Variants in PRKCA observed in about 807,000 individuals in gnomAD.
PRKCA encodes the protein protein kinase C alpha.
Under a neutral mutation model 87.0 loss-of-function variants are expected in PRKCA, and 27 were observed. The ratio of observed to expected loss-of-function variants is 0.31; its 90% confidence interval spans 0.23 to 0.43. The LOEUF is 0.43. Ranked by LOEUF, PRKCA falls within the 20% of genes least tolerant of loss-of-function variation. PRKCA has a pLI of 1.00. For synonymous variants in PRKCA, 329 were observed against 311.1 expected (o/e 1.06, Z -0.61); for missense variants, 518 against 852.3 (o/e 0.61, Z 4.88).
intron 8 of PRKCA, chr17:66,703,328 T>C (rs1388401130): frequency 1.3e-5 from 2 of 152,044 alleles, no homozygotes; most frequent in African/African-American, 4.8e-5. Context: ...CCTACACAGG[T>C]CAGGATCATC....
intron 8 of PRKCA, among the ~76,000 whole-genome samples, chr17:66,720,331 G>A (rs909185387): frequency 2.6e-5 from 4 of 152,188 alleles, no homozygotes; most frequent in South Asian, 2.1e-4. Context: ...AGAGAACAGC[G>A]GACATTTTAT....
intron 8 of PRKCA, among the ~76,000 whole-genome samples, chr17:66,715,791 C>G (rs1449386510): frequency 1.3e-5 from 2 of 152,076 alleles, no homozygotes; most frequent in African/African-American, 4.8e-5. Flanking sequence ...CCATCTTGCC[C>G]CATTTACTGG....
intron 2 of PRKCA, among the ~76,000 whole-genome samples, chr17:66,307,278 G>A (rs1204358891): frequency 6.6e-6 from 1 of 152,138 alleles, no homozygotes; most frequent in Non-Finnish European, 1.5e-5. Context: ...TTTAAAAAGA[G>A]AAGAAAGAGA....
chr17:66,540,767 C>G (rs1339653486), intron 3 of PRKCA, among the ~76,000 whole-genome samples: 1 of 152,170 alleles, frequency 6.6e-6, no homozygotes, highest in African/African-American at 2.4e-5. Context: ...CTCTGTCTAT[C>G]AAAAGATTGA....
In PRKCA at chr17:66,619,978, G is replaced by A. The variant is rs1970628220; in HGVS notation, c.289-21377G>A. 3.3e-5 allele frequency among the ~76,000 whole-genome samples: 5 copies of A among 152,182 alleles called. No homozygotes were observed. The South Asian group carries it at 1.0e-3, about 32-fold the overall frequency. On this transcript the variant is annotated intron_variant, in intron 3 of 16. Coordinates refer to ENST00000413366, the MANE Select transcript of PRKCA (RefSeq NM_002737.3). ...AACATTTATAAAAACAGGTTTTTGGGGGGTAATGAAAAAAAATTTAAGTCA... is the reference window on the plus strand; with the variant it reads ...AACATTTATAAAAACAGGTTTTTGGAGGGTAATGAAAAAAAATTTAAGTCA...
intron 2 of PRKCA, among the ~76,000 whole-genome samples, chr17:66,476,085 A>G (rs1317938003): frequency 6.6e-6 from 1 of 151,988 alleles, no homozygotes; most frequent in Non-Finnish European, 1.5e-5. Context: ...TTTTTAGTAG[A>G]GGCAGAGTTT....
intron 2 of PRKCA, among the ~76,000 whole-genome samples, chr17:66,448,584 A>G (rs1436543987): frequency 1.3e-5 from 2 of 152,178 alleles, no homozygotes; most frequent in African/African-American, 4.8e-5. Context: ...AGTCACACAA[A>G]AATCCAAGTT....
At chr17:66,407,252 T>C (rs1454281026) in intron 2 of PRKCA, among the ~76,000 whole-genome samples, 1 of 151,718 alleles carries the variant, frequency 6.6e-6, no homozygotes, top group Non-Finnish European at 1.5e-5. Flanking sequence ...TGGGGCCTGG[T>C]GGGAGGTGAT....
At chr17:66,765,328 G>T (rs1029039567) in intron 13 of PRKCA, among the ~76,000 whole-genome samples, 1 of 149,522 alleles carries the variant, frequency 6.7e-6, no homozygotes, top group Non-Finnish European at 1.5e-5. Context: ...CGGGAGAATC[G>T]CTTGAACCTG....
chr17:66,440,992 C>T (rs1035042101), intron 2 of PRKCA, among the ~76,000 whole-genome samples: 1 of 151,746 alleles, frequency 6.6e-6, no homozygotes, highest in Non-Finnish European at 1.5e-5. Flanking sequence ...TGAACCCTGT[C>T]TCTACTAAAA....
chr17:66,419,609 T>C (rs998339077), intron 2 of PRKCA, among the ~76,000 whole-genome samples: 34 of 152,212 alleles, frequency 2.2e-4, no homozygotes, highest in African/African-American at 8.2e-4. Context: ...ATGCCCATAT[T>C]GTATCTGTCT....
intron 16 of PRKCA, among the ~76,000 whole-genome samples, chr17:66,789,789 G>C (rs1470109904): frequency 6.6e-6 from 1 of 152,204 alleles, no homozygotes; most frequent in Non-Finnish European, 1.5e-5. Context: ...CAACTGCCCT[G>C]ACGCTGATGC....
chr17:66,593,483 G>C (rs374096067), intron 3 of PRKCA, among the ~76,000 whole-genome samples: 1 of 152,210 alleles, frequency 6.6e-6, no homozygotes, highest in Admixed American at 6.5e-5. Context: ...CAGTAAAGCA[G>C]TTGCATATAA....
intron 2 of PRKCA, among the ~76,000 whole-genome samples, chr17:66,430,070 T>C (rs1913020217): frequency 6.6e-6 from 1 of 152,152 alleles, no homozygotes; most frequent in Admixed American, 6.5e-5. Flanking sequence ...GTTGGGTGGT[T>C]CTGGATGAAA....
chr17:66,452,595 C>G (rs116204584), intron 2 of PRKCA, among the ~76,000 whole-genome samples: 1 of 152,170 alleles, frequency 6.6e-6, no homozygotes, highest in Admixed American at 6.5e-5. Context: ...GCACTGAAGC[C>G]TTCAGGAATG....
At position 66,746,372 on chromosome 17, in the gene PRKCA, A is replaced by G. The variant is rs577166375; in HGVS notation, c.1524+3612A>G. 7.2e-5 allele frequency among the ~76,000 whole-genome samples: 11 copies of G among 151,982 alleles called. No individual in the cohort carries two copies. The South Asian group carries it at 2.1e-3, about 29-fold the overall frequency. On this transcript the variant is annotated intron_variant, in intron 13 of 16. Coordinates refer to ENST00000413366, the MANE Select transcript of PRKCA (RefSeq NM_002737.3). ...CCTCATAAGTGTTCAGTAATTTGGC[A>G]TATTTGGCCACACGAATACTTACAG...
intron 3 of PRKCA, among the ~76,000 whole-genome samples, chr17:66,554,344 C>T (rs1197617659): frequency 2.6e-5 from 4 of 152,158 alleles, no homozygotes; most frequent in Non-Finnish European, 5.9e-5. Context: ...GCCATGGAGC[C>T]CAGGCTGTGT....
At chr17:66,644,636 A>G (rs1185908276) in intron 4 of PRKCA, among the ~76,000 whole-genome samples, 1 of 152,220 alleles carries the variant, frequency 6.6e-6, no homozygotes, top group Non-Finnish European at 1.5e-5. Flanking sequence ...GTATTTAAAT[A>G]TTTGAAGATA....
chr17:66,603,633 T>G (rs1970121510), intron 3 of PRKCA, among the ~76,000 whole-genome samples: 1 of 152,184 alleles, frequency 6.6e-6, no homozygotes, highest in Non-Finnish European at 1.5e-5. Context: ...TTTACCACTT[T>G]TAACTGTGGA....
Sources: gnomAD v4.1 joint callset for allele counts (sites outside exome capture counted in the v4.1 genomes callset) on GRCh38, gnomAD v4.1.1 for gene constraint, MANE v1.5 for transcripts, NCBI Gene and HGNC (gene_info 2026-07-23, HGNC 2026-07-21) for gene names.